CLASP2: variants seen among roughly 807,000 people sequenced by gnomAD.
CLASP2 encodes cytoplasmic linker associated protein 2, also known as CLIP-associating protein 2.
In CLASP2, 47 loss-of-function variants were observed where a neutral mutation model predicts 194.4. The ratio of observed to expected loss-of-function variants is 0.24; its 90% CI spans 0.19 to 0.31. The LOEUF is 0.31. Ranked by LOEUF, CLASP2 falls within the 10% of genes least tolerant of loss-of-function variation. The probability of loss-of-function intolerance (pLI) is 1.00; values close to 1 mark genes in which losing one functional copy is unlikely to be tolerated. For synonymous variants in CLASP2, 619 were observed against 633.5 expected, an observed-to-expected ratio of 0.98 and a Z score of 0.34; for missense variants, 1,445 against 1,823.6, an observed-to-expected ratio of 0.79 and a Z score of 3.78.
chr3:33,692,701 C>T (rs2091480771), intron 2 of CLASP2, among the ~76,000 whole-genome samples: 1 of 152,116 alleles, frequency 6.6e-6, no homozygotes, highest in African/African-American at 2.4e-5. Context: ...CTGTACCAAG[C>T]CCATGATCAT....
chr3:33,544,152 A>C (rs1440206142), intron 31 of CLASP2, among the ~76,000 whole-genome samples: 1 of 152,120 alleles, frequency 6.6e-6, no homozygotes, highest in South Asian at 2.1e-4. Flanking sequence ...ACCAGTAAAA[A>C]ATATATATAT....
chr3:33,623,106 T>A (rs1408594555), intron 10 of CLASP2, among the ~76,000 whole-genome samples: 1 of 152,162 alleles, frequency 6.6e-6, no homozygotes, highest in East Asian at 1.9e-4. Flanking sequence ...TGCTGTTGAA[T>A]TTTTAATTTC....
intron 6 of CLASP2, among the ~76,000 whole-genome samples, chr3:33,667,822 T>C (rs905074942): frequency 3.3e-5 from 5 of 152,232 alleles, no homozygotes; most frequent in Admixed American, 6.5e-5. Flanking sequence ...TATTTCAGTA[T>C]AGTTCCATCG....
chr3:33,678,826 C>T (rs1236295222), intron 6 of CLASP2, among the ~76,000 whole-genome samples: 1 of 152,188 alleles, frequency 6.6e-6, no homozygotes, highest in Non-Finnish European at 1.5e-5. Flanking sequence ...TCGGTATTTT[C>T]AAGATGTCAG....
At chr3:33,512,972 C>CA (rs1223776845) in intron 36 of CLASP2, among the ~76,000 whole-genome samples, 2 of 152,204 alleles carry the variant, frequency 1.3e-5, no homozygotes, top group East Asian at 3.9e-4. Context: ...GCCAGGGCGA[C>CA]AGAGTGAGAC....
intron 6 of CLASP2, among the ~76,000 whole-genome samples, chr3:33,680,989 G>C (rs932966585): frequency 2.0e-5 from 3 of 151,692 alleles, no homozygotes; most frequent in African/African-American, 7.3e-5. Context: ...GCTGGGCGTG[G>C]TGGCATGTGC....
At chr3:33,716,744 ACT>A (rs1393241040) in intron 1 of CLASP2, among the ~76,000 whole-genome samples, 4 of 152,192 alleles carry the variant, frequency 2.6e-5, no homozygotes, top group Admixed American at 2.6e-4. Context: ...GACGTGGGTA[ACT>A]CTCAAACTTT....
chr3:33,660,163 T>C (rs980938973), intron 7 of CLASP2, among the ~76,000 whole-genome samples: 2 of 152,210 alleles, frequency 1.3e-5, no homozygotes, highest in African/African-American at 4.8e-5. Context: ...ACCAACACTG[T>C]TAGTGTTTAC....
intron 8 of CLASP2, among the ~76,000 whole-genome samples, chr3:33,643,155 G>A (rs1277571505): frequency 3.3e-5 from 5 of 151,712 alleles, no homozygotes; most frequent in Admixed American, 2.0e-4. Flanking sequence ...CAGAATGATA[G>A]GTAAATTTCA....
In CLASP2 at chr3:33,592,470, G is replaced by T; in HGVS notation, c.1993C>A (p.Pro665Thr). ...DGRVRAKLSAPLAGMGNAKAD... is the reference protein window; with the variant it reads ...DGRVRAKLSATLAGMGNAKAD... ...TTGGCATTTCCCATGCCAGCAAGTG[G>T]TGCTGAAAGTTTTGCTCTCACCCGG... Residue 665 changes from proline to threonine, a missense_variant, in exon 21 of 39, where the codon CCA becomes ACA. By Grantham distance (38) the Pro-to-Thr change is conservative. This residue lies in a region of CLASP2 where 174 missense variants were observed against 179.0 expected (regional missense o/e 0.97). Transcript: ENST00000682230. 1 of 1,613,532 alleles carries T rather than the reference G, an allele frequency of 6.2e-7. No homozygotes were observed. Among genetic ancestry groups the T allele is most frequent in the East Asian group, 2.2e-5 (1 of 44,858 alleles).
intron 10 of CLASP2, among the ~76,000 whole-genome samples, chr3:33,626,376 A>G (rs1443641828): frequency 1.3e-5 from 2 of 152,154 alleles, no homozygotes; most frequent in Non-Finnish European, 2.9e-5. Context: ...TGTAAACAAT[A>G]AGTTCACAAA....
At chr3:33,530,715 T>G (rs1470221731) in intron 34 of CLASP2, among the ~76,000 whole-genome samples, 1 of 152,214 alleles carries the variant, frequency 6.6e-6, no homozygotes, top group Non-Finnish European at 1.5e-5. Context: ...CTGTCATAAA[T>G]GGAGTCTGAC....
chr3:33,701,727 C>A lies in CLASP2; in HGVS notation c.196-4794G>T, dbSNP rs9851979. Among the ~76,000 whole-genome samples the A allele has an allele frequency of 7.3e-3, 1,115 of 152,240 alleles. 16 individuals are homozygous for A. Among genetic ancestry groups the A allele is most frequent in the African/African-American group, 0.025 (1,030 of 41,558 alleles). ...AATGAAGGAAAGAAATATACTTTTT[C>A]AATAAATGGTGATGTTACAATTGGA... On this transcript the variant is annotated intron_variant, in intron 1 of 38. Transcript: ENST00000682230.
intron 1 of CLASP2, among the ~76,000 whole-genome samples, chr3:33,715,400 T>C (rs1318194679): frequency 3.9e-5 from 6 of 152,156 alleles, no homozygotes. Context: ...CCCTTCATTG[T>C]TTTTTTCTCC....
At chr3:33,591,760 G>C (rs542667838) in intron 21 of CLASP2, among the ~76,000 whole-genome samples, 29 of 152,096 alleles carry the variant, frequency 1.9e-4, no homozygotes, top group Non-Finnish European at 3.7e-4. Context: ...GAGCAAAAAT[G>C]TAAATCTTAA....
Position 33,497,257 on chromosome 3 carries a change from C to T in CLASP2, c.*1374G>A, listed in dbSNP as rs1203185139. ...GTTAAACAAAGTACAGATAACTCTG[C>T]AACAATGGCAAACTGCTTCCCTAAT... On this transcript the variant is annotated 3_prime_UTR_variant, in exon 39 of 39. Transcript: ENST00000682230. 1 of 152,436 alleles carries T rather than the reference C, an allele frequency of 6.6e-6. No individual in the cohort carries two copies. The highest frequency in any genetic ancestry group is 1.5e-5 in the Non-Finnish European group (1 of 67,998). 9.4% of individuals were successfully genotyped at this position (152,436 alleles called of 1,614,324 possible).
At chr3:33,512,849 G>A (rs189034197) in intron 36 of CLASP2, among the ~76,000 whole-genome samples, 3 of 152,128 alleles carry the variant, frequency 2.0e-5, no homozygotes, top group Non-Finnish European at 4.4e-5. Flanking sequence ...AATTAGCATG[G>A]TGTGGTGGCA....
At chr3:33,560,067 G>T (rs976389455) in intron 28 of CLASP2, among the ~76,000 whole-genome samples, 28 of 152,166 alleles carry the variant, frequency 1.8e-4, no homozygotes, top group African/African-American at 6.5e-4. Flanking sequence ...TGAAATAAGT[G>T]ACTTCAACAA....
intron 7 of CLASP2, among the ~76,000 whole-genome samples, chr3:33,648,923 C>A (rs556790072): frequency 5.3e-5 from 8 of 152,322 alleles, no homozygotes; most frequent in Admixed American, 2.0e-4. Flanking sequence ...AAAGTTTATT[C>A]TCAACATGGC....
Sources: gnomAD v4.1 joint callset for allele counts (sites outside exome capture counted in the v4.1 genomes callset) on GRCh38, gnomAD v4.1.1 for gene constraint, gnomAD v4.1.1 regional missense constraint, MANE v1.5 for transcripts, NCBI Gene and HGNC (gene_info 2026-07-23, HGNC 2026-07-21) for gene names.